Variants in UNC79 observed in about 807,000 individuals in gnomAD.
UNC79 encodes the protein protein unc-79 homolog.
A neutral mutation model predicts 283.1 loss-of-function variants in UNC79; 37 were observed. The ratio of observed to expected loss-of-function variants is 0.13; its 90% CI spans 0.10 to 0.17. UNC79 has a LOEUF of 0.17. Among genes scored for constraint, UNC79 ranks in the 10% least tolerant of loss-of-function variants. UNC79 has a pLI of 1.00. For synonymous variants in UNC79, 1,107 were observed against 1,200.2 expected, an observed-to-expected ratio of 0.92 and a Z score of 1.61; for missense variants, 2,272 against 3,211.1, an observed-to-expected ratio of 0.71 and a Z score of 7.07.
chr14:93,562,428 T>C (rs2062618742), intron 14 of UNC79, among the ~76,000 whole-genome samples: 1 of 152,144 alleles, frequency 6.6e-6, no homozygotes, highest in African/African-American at 2.4e-5. Context: ...AGCAAGAAAG[T>C]GCGTCCACAT....
chr14:93,350,962 T>C (rs899199028), intron 1 of UNC79, among the ~76,000 whole-genome samples: 1 of 152,264 alleles, frequency 6.6e-6, no homozygotes, highest in Non-Finnish European at 1.5e-5. Context: ...AATTTTTCAA[T>C]GTAATCAGGA....
At chr14:93,463,110 TGAA>T (rs1361742256) in intron 1 of UNC79, among the ~76,000 whole-genome samples, 1 of 151,952 alleles carries the variant, frequency 6.6e-6, no homozygotes, top group Non-Finnish European at 1.5e-5. Flanking sequence ...GCAAAGCACT[TGAA>T]GAAGGATACG....
chr14:93,478,776 G>C (rs2057946986), intron 4 of UNC79, among the ~76,000 whole-genome samples: 3 of 152,176 alleles, frequency 2.0e-5, no homozygotes, highest in Admixed American at 2.0e-4. Context: ...TCAACTCCTA[G>C]TGATCATTAT....
intron 19 of UNC79, among the ~76,000 whole-genome samples, chr14:93,580,590 G>C (rs2063737204): frequency 6.6e-6 from 1 of 152,186 alleles, no homozygotes; most frequent in Admixed American, 6.5e-5. Context: ...TCTATTAAGT[G>C]GCTTGAGTGA....
intron 4 of UNC79, among the ~76,000 whole-genome samples, chr14:93,480,571 G>A (rs1315726567): frequency 6.6e-6 from 1 of 152,056 alleles, no homozygotes; most frequent in Non-Finnish European, 1.5e-5. Context: ...AAAATAAATT[G>A]TAATACCAAC....
At chr14:93,587,828 A>G (rs1230324008) in intron 22 of UNC79, among the ~76,000 whole-genome samples, 2 of 152,358 alleles carry the variant, frequency 1.3e-5, no homozygotes, top group Admixed American at 6.5e-5. Flanking sequence ...GGAATGTGAT[A>G]AATGACTGCT....
At chr14:93,416,320 G>C (rs2055456141) in intron 1 of UNC79, among the ~76,000 whole-genome samples, 1 of 145,706 alleles carries the variant, frequency 6.9e-6, no homozygotes, top group African/African-American at 2.6e-5. Context: ...TTTCCATGTA[G>C]TTGAGCAGTT....
intron 35 of UNC79, 101 bp from the exon 39 acceptor site, chr14:93,653,641 A>C (rs562381675): frequency 2.0e-6 from 2 of 999,782 alleles, no homozygotes; most frequent in East Asian, 4.8e-5. Context: ...GAGCTATCCC[A>C]TCAGAGGCAT....
At chr14:93,448,262 C>T (rs773622425) in intron 1 of UNC79, among the ~76,000 whole-genome samples, 1 of 150,766 alleles carries the variant, frequency 6.6e-6, no homozygotes, top group Non-Finnish European at 1.5e-5. Flanking sequence ...TTATTCTTTC[C>T]TCTGTCATGA....
At chr14:93,618,078 C>T (rs2066861223) in intron 28 of UNC79, 114 bp from the exon 30 acceptor site, 1 of 1,127,346 alleles carries the variant, frequency 8.9e-7, no homozygotes. Flanking sequence ...CTCTCTCTCT[C>T]ATATATATAT....
chr14:93,431,086 C>G lies in UNC79; in HGVS notation c.22+35C>G, dbSNP rs751028013. On this transcript the variant is annotated intron_variant, in intron 1 of 48. Transcript: ENST00000555664. Reference sequence around the variant, plus strand: ...AGCCGGCCCGGCATTCCGGCCCGGCCTCGGCTGGGAGCTATTGCAGCTGCG... The same window carrying G: ...AGCCGGCCCGGCATTCCGGCCCGGCGTCGGCTGGGAGCTATTGCAGCTGCG... The G allele has an allele frequency of 1.2e-5, 8 of 691,204 alleles. No homozygotes were observed. The South Asian group carries it at 1.2e-4, about 10-fold the overall frequency. 42.8% of individuals were successfully genotyped at this position (691,204 alleles called of 1,614,324 possible).
At chr14:93,643,734 C>CTT in intron 34 of UNC79, 37 bp downstream of exon 37, 2 of 1,607,468 alleles carry the variant, frequency 1.2e-6, no homozygotes, top group Non-Finnish European at 1.7e-6. Context: ...GTAGGAAGGT[C>CTT]CTTTATTCAG....
chr14:93,361,687 T>G (rs1382497780), intron 1 of UNC79, among the ~76,000 whole-genome samples: 2 of 152,156 alleles, frequency 1.3e-5, no homozygotes, highest in Non-Finnish European at 2.9e-5. Flanking sequence ...CTTTTATTTC[T>G]TTCTCCCACC....
chr14:93,553,863 G>A (rs1044110958), intron 14 of UNC79, among the ~76,000 whole-genome samples: 5 of 152,074 alleles, frequency 3.3e-5, no homozygotes, highest in African/African-American at 4.8e-5. Context: ...GGTTAATTAG[G>A]TCAAAAAAGG....
chr14:93,663,247 G>A (rs1251739605), intron 40 of UNC79, among the ~76,000 whole-genome samples: 2 of 152,072 alleles, frequency 1.3e-5, no homozygotes, highest in Non-Finnish European at 2.9e-5. Flanking sequence ...TTTCTCTATT[G>A]CATTATCTGT....
intron 17 of UNC79, among the ~76,000 whole-genome samples, chr14:93,576,486 G>A (rs2063484485): frequency 6.6e-6 from 1 of 152,212 alleles, no homozygotes; most frequent in South Asian, 2.1e-4. Flanking sequence ...AAGTACAGAT[G>A]TGTTAGTCAG....
At chr14:93,598,889 C>A (rs2065284420) in intron 24 of UNC79, among the ~76,000 whole-genome samples, 2 of 152,132 alleles carry the variant, frequency 1.3e-5, no homozygotes, top group Admixed American at 6.5e-5. Context: ...CAAAACTTCA[C>A]AAATTAAAGC....
At chr14:93,339,321 A>G (rs189104567) in intron 1 of UNC79, among the ~76,000 whole-genome samples, 287 of 151,494 alleles carry the variant, frequency 1.9e-3, no homozygotes, top group African/African-American at 6.6e-3. Flanking sequence ...TTTTTTTGAG[A>G]CAGAGTCTCA....
Position 93,474,177 on chromosome 14 carries a change from C to A in UNC79, c.232C>A (p.Pro78Thr). 1.3e-6 allele frequency: 2 copies of A among 1,536,036 alleles called. No individual in the cohort carries two copies. The highest frequency in any genetic ancestry group is 1.7e-6 in the Non-Finnish European group (2 of 1,146,842). Residue 78 changes from proline to threonine, a missense_variant, in exon 3 of 49, where the codon CCA becomes ACA. Physicochemically the swap from Pro to Thr is conservative, Grantham distance 38. Coordinates refer to ENST00000555664, the Ensembl canonical transcript of UNC79. This position sits in a 1 kb window ranked among gnomAD's most constrained non-coding sequence, Gnocchi z 4.1. ...CATGTGTCTTTTTCCTGTGCCATTC[C>A]CACTCACCCCATCTCTAAGACCGCA... is the stretch of plus-strand genomic sequence containing the variant.
Sources: allele counts gnomAD v4.1 joint callset (sites outside exome capture counted in the v4.1 genomes callset), GRCh38; gene constraint gnomAD v4.1.1; non-coding constraint Gnocchi (gnomAD v3.1); transcripts MANE v1.5; gene names NCBI Gene and HGNC (gene_info 2026-07-23, HGNC 2026-07-21).